The following MAF variants were observed in gnomAD, a reference collection of about 807,000 sequenced individuals.
MAF encodes MAF bZIP transcription factor.
A neutral mutation model predicts 22.0 loss-of-function variants in MAF; 10 were observed. That is an observed-to-expected ratio of 0.45 (90% CI 0.28 to 0.77). The LOEUF (loss-of-function observed/expected upper bound fraction) is 0.77, where lower values mean the gene tolerates loss of function less well. Among genes scored for constraint, MAF ranks in the 30% least tolerant of loss-of-function variants. The pLI, the probability that MAF is intolerant of heterozygous loss-of-function variation, is 0.12. For missense variants in MAF, 544 were observed against 548.4 expected, an observed-to-expected ratio of 0.99 and a Z score of 0.08; for synonymous variants, 337 against 255.8, an observed-to-expected ratio of 1.32 and a Z score of -3.03.
the MAF span, among the ~76,000 whole-genome samples, chr16:79,576,231 TAAAAAAAAAAAAAAA>T: frequency 1.2e-4 from 5 of 43,012 alleles, no homozygotes; most frequent in Admixed American, 1.4e-3. Flanking sequence ...CCTGTGGTAC[TAAAAAAAAAAAAAAA>T]AAAAAAAAAA....
the MAF span, among the ~76,000 whole-genome samples, chr16:79,218,137 T>C: frequency 1.3e-5 from 2 of 151,892 alleles, no homozygotes; most frequent in East Asian, 1.9e-4. Flanking sequence ...ATTATTCATA[T>C]AATCACTGAA....
the MAF span, among the ~76,000 whole-genome samples, chr16:79,247,155 A>G: frequency 2.6e-5 from 4 of 152,210 alleles, no homozygotes; most frequent in Non-Finnish European, 5.9e-5. Flanking sequence ...GCTGCGAATG[A>G]AAAGAATAAA....
the MAF span, among the ~76,000 whole-genome samples, chr16:79,344,873 A>T: frequency 6.6e-6 from 1 of 152,172 alleles, no homozygotes; most frequent in African/African-American, 2.4e-5. Flanking sequence ...ATTTTGTTAC[A>T]TTTAGAGAGG....
the MAF span, among the ~76,000 whole-genome samples, chr16:79,292,232 G>C: frequency 2.0e-5 from 3 of 152,246 alleles, no homozygotes; most frequent in Non-Finnish European, 4.4e-5. Flanking sequence ...GATCAAGTTA[G>C]GGAGAAGACA....
the MAF span, among the ~76,000 whole-genome samples, chr16:79,240,834 C>A: frequency 6.6e-6 from 1 of 152,018 alleles, no homozygotes; most frequent in Non-Finnish European, 1.5e-5. Context: ...TGGTACAAAG[C>A]TTCCAGAGGA....
the MAF span, among the ~76,000 whole-genome samples, chr16:79,524,667 C>A: frequency 4.6e-5 from 7 of 152,200 alleles, no homozygotes; most frequent in Admixed American, 1.3e-4. Flanking sequence ...TCGACAGCTA[C>A]TTCTTTGGAG....
chr16:79,370,641 A>G, the MAF span, among the ~76,000 whole-genome samples: 3 of 152,298 alleles, frequency 2.0e-5, no homozygotes, highest in East Asian at 5.8e-4. Flanking sequence ...CATCCCTTCC[A>G]CTAGCTCATC....
chr16:79,482,222 T>C, the MAF span, among the ~76,000 whole-genome samples: 1 of 152,242 alleles, frequency 6.6e-6, no homozygotes. Context: ...CACAGTCATA[T>C]GACAGTTTCA....
chr16:79,503,417 A>G, the MAF span, among the ~76,000 whole-genome samples: 1 of 152,252 alleles, frequency 6.6e-6, no homozygotes, highest in Non-Finnish European at 1.5e-5. Flanking sequence ...ATAATTAAAA[A>G]AGTTTACTAC....
the MAF span, among the ~76,000 whole-genome samples, chr16:79,470,029 C>G: frequency 6.6e-6 from 1 of 152,322 alleles, no homozygotes; most frequent in South Asian, 2.1e-4. Context: ...CGCTCAGAAA[C>G]GTGCGGTCTG....
At chr16:79,547,891 T>A in the MAF span, among the ~76,000 whole-genome samples, 4 of 66,154 alleles carry the variant, frequency 6.0e-5, no homozygotes, top group Non-Finnish European at 1.4e-4. Flanking sequence ...CGTGTGTGTG[T>A]GTGTGTGTGT....
the MAF span, among the ~76,000 whole-genome samples, chr16:79,508,514 C>A: frequency 6.6e-6 from 1 of 152,174 alleles, no homozygotes; most frequent in Non-Finnish European, 1.5e-5. Context: ...AGCAGTACTG[C>A]TTCTGCTTCC....
At chr16:79,312,676 A>G in the MAF span, among the ~76,000 whole-genome samples, 2 of 152,162 alleles carry the variant, frequency 1.3e-5, no homozygotes, top group African/African-American at 2.4e-5. Flanking sequence ...TGACCACAAC[A>G]ATTATTCTGT....
chr16:79,309,187 G>A, the MAF span, among the ~76,000 whole-genome samples: 1 of 152,132 alleles, frequency 6.6e-6, no homozygotes. Flanking sequence ...AAAAACTGAG[G>A]CTGAAGGGGT....
At chr16:79,403,818 C>T in the MAF span, among the ~76,000 whole-genome samples, 1 of 152,282 alleles carries the variant, frequency 6.6e-6, no homozygotes, top group Middle Eastern at 3.4e-3. Flanking sequence ...TCACCAACGA[C>T]ATCACAGGGA....
the MAF span, among the ~76,000 whole-genome samples, chr16:79,535,753 A>T: frequency 6.6e-6 from 1 of 151,758 alleles, no homozygotes; most frequent in Non-Finnish European, 1.5e-5. Context: ...ACGTGCCACC[A>T]TGCCCAGCTA....
chr16:79,403,519 C>G, the MAF span, among the ~76,000 whole-genome samples: 3 of 152,152 alleles, frequency 2.0e-5, no homozygotes, highest in Non-Finnish European at 4.4e-5. Flanking sequence ...GCCAGGAACA[C>G]CCTCTCTGGT....
At chr16:79,463,372 G>C in the MAF span, among the ~76,000 whole-genome samples, 21 of 152,264 alleles carry the variant, frequency 1.4e-4, no homozygotes, top group South Asian at 2.9e-3. Flanking sequence ...TTAAATGCCA[G>C]CTTACCTTGA....
At chr16:79,505,080 C>A in the MAF span, among the ~76,000 whole-genome samples, 2 of 152,148 alleles carry the variant, frequency 1.3e-5, no homozygotes, top group Non-Finnish European at 2.9e-5. Flanking sequence ...TCTTCAGCTA[C>A]GTTTTCAAAC....
Sources: allele counts gnomAD v4.1 joint callset (sites outside exome capture counted in the v4.1 genomes callset), GRCh38; gene constraint gnomAD v4.1.1; transcripts MANE v1.5; gene names NCBI Gene and HGNC (gene_info 2026-07-23, HGNC 2026-07-21).